Variants in NEK11 observed in about 807,000 individuals in gnomAD.
NEK11 encodes the protein serine/threonine-protein kinase Nek11.
NEK11 carries 72 observed loss-of-function variants against 80.7 expected under a neutral mutation model. The observed-to-expected ratio is 0.89, with a 90% CI of 0.74 to 1.08. The LOEUF (loss-of-function observed/expected upper bound fraction) is 1.08. Ranked by LOEUF, NEK11 falls within the 50% of genes least tolerant of loss-of-function variation. NEK11 has a pLI of 0.00. For synonymous variants in NEK11, 251 were observed against 260.7 expected, an observed-to-expected ratio of 0.96 and a Z score of 0.36; for missense variants, 764 against 763.6, an observed-to-expected ratio of 1.00 and a Z score of -0.01.
chr3:131,316,515 G>A (rs986167705), intron 17 of NEK11, among the ~76,000 whole-genome samples: 3 of 152,144 alleles, frequency 2.0e-5, no homozygotes, highest in African/African-American at 7.2e-5. Flanking sequence ...TATTCTGAGT[G>A]TTGTCCTTTT....
At chr3:131,332,947 C>T (rs1196998616) in intron 17 of NEK11, among the ~76,000 whole-genome samples, 1 of 152,062 alleles carries the variant, frequency 6.6e-6, no homozygotes, top group Non-Finnish European at 1.5e-5. Flanking sequence ...AACAAAGCCT[C>T]CAAGAAATAT....
intron 17 of NEK11, among the ~76,000 whole-genome samples, chr3:131,278,546 T>C (rs2096341744): frequency 7.1e-6 from 1 of 141,168 alleles, no homozygotes; most frequent in Non-Finnish European, 1.5e-5. Context: ...AAAAAGTTTT[T>C]TGTTTTGTTT....
intron 16 of NEK11, among the ~76,000 whole-genome samples, chr3:131,253,300 A>G (rs1362349013): frequency 2.6e-5 from 4 of 152,124 alleles, no homozygotes; most frequent in Non-Finnish European, 4.4e-5. Context: ...AAAACGCTAA[A>G]TTCCCACCAA....
chr3:131,071,663 G>A (rs1209676340), intron 3 of NEK11, among the ~76,000 whole-genome samples: 1 of 151,882 alleles, frequency 6.6e-6, no homozygotes, highest in East Asian at 1.9e-4. Flanking sequence ...ATATCATGTT[G>A]TTTTAGTTTT....
intron 3 of NEK11, among the ~76,000 whole-genome samples, chr3:131,064,108 T>A (rs561483533): frequency 3.9e-5 from 6 of 152,256 alleles, no homozygotes; most frequent in African/African-American, 1.4e-4. Flanking sequence ...ATTCAACTTA[T>A]ATGAAATATC....
chr3:131,225,674 C>T (rs1413339576), intron 14 of NEK11, among the ~76,000 whole-genome samples: 1 of 152,118 alleles, frequency 6.6e-6, no homozygotes, highest in Non-Finnish European at 1.5e-5. Context: ...TATGCCAAAG[C>T]CAGCATTCTA....
At chr3:131,106,235 T>C (rs966820291) in intron 4 of NEK11, among the ~76,000 whole-genome samples, 2 of 151,752 alleles carry the variant, frequency 1.3e-5, no homozygotes, top group African/African-American at 4.8e-5. Context: ...TTAGTCTCTC[T>C]GTAGTAAGAA....
chr3:131,235,933 A>G (rs1424215560), intron 15 of NEK11, among the ~76,000 whole-genome samples: 1 of 152,208 alleles, frequency 6.6e-6, no homozygotes, highest in Non-Finnish European at 1.5e-5. Context: ...CCTAAGTGAC[A>G]GCTCCAAAGT....
chr3:131,103,582 T>C (rs1578300549), intron 4 of NEK11, among the ~76,000 whole-genome samples: 1 of 152,084 alleles, frequency 6.6e-6, no homozygotes, highest in Non-Finnish European at 1.5e-5. Context: ...GCAAGAGAGG[T>C]GACCCCTTCA....
chr3:131,202,065 C>A (rs1317604615), intron 14 of NEK11, among the ~76,000 whole-genome samples: 3 of 152,130 alleles, frequency 2.0e-5, no homozygotes, highest in Admixed American at 6.5e-5. Flanking sequence ...GATCTCCTGA[C>A]CTCATGATCC....
At chr3:131,191,319 T>C (rs1462868228) in intron 14 of NEK11, among the ~76,000 whole-genome samples, 1 of 152,174 alleles carries the variant, frequency 6.6e-6, no homozygotes, top group African/African-American at 2.4e-5. Flanking sequence ...CTGGCCTGCA[T>C]TCCTTCTGGA....
intron 16 of NEK11, among the ~76,000 whole-genome samples, chr3:131,255,414 C>A (rs76005509): frequency 0.065 from 9,906 of 152,118 alleles, 475 homozygotes; most frequent in Non-Finnish European, 0.1. Context: ...TAAAGGTGAC[C>A]TTTTCAGATC....
intron 17 of NEK11, among the ~76,000 whole-genome samples, chr3:131,335,027 T>A (rs1405566186): frequency 6.6e-6 from 1 of 152,208 alleles, no homozygotes; most frequent in Non-Finnish European, 1.5e-5. Context: ...CACAGCCGAA[T>A]TCTACCAGAG....
chr3:131,278,702 AG>A (rs1340969637), intron 17 of NEK11, among the ~76,000 whole-genome samples: 1 of 152,140 alleles, frequency 6.6e-6, no homozygotes, highest in Non-Finnish European at 1.5e-5. Flanking sequence ...ACTGTGACTA[AG>A]ACTGGTCCTT....
intron 7 of NEK11, among the ~76,000 whole-genome samples, chr3:131,142,607 G>C (rs1402653304): frequency 6.6e-6 from 1 of 152,124 alleles, no homozygotes; most frequent in South Asian, 2.1e-4. Context: ...TTTGATCATT[G>C]TTTCCATTGC....
intron 17 of NEK11, among the ~76,000 whole-genome samples, chr3:131,339,518 C>T (rs1241823557): frequency 6.6e-6 from 1 of 152,176 alleles, no homozygotes; most frequent in East Asian, 1.9e-4. Context: ...GAACCTTATC[C>T]TAAGAAGCTA....
chr3:131,112,279 TG>T (rs2080264288), intron 5 of NEK11, among the ~76,000 whole-genome samples: 2 of 152,146 alleles, frequency 1.3e-5, no homozygotes, highest in Non-Finnish European at 1.5e-5. Flanking sequence ...AAGCATGACC[TG>T]GGTGAATCTC....
intron 16 of NEK11, among the ~76,000 whole-genome samples, chr3:131,262,988 T>C (rs1294660876): frequency 6.6e-6 from 1 of 152,156 alleles, no homozygotes; most frequent in Non-Finnish European, 1.5e-5. Context: ...GCAGAGGAAA[T>C]GAACTCATCC....
At chr3:131,309,987 TAAA>T (rs558210123) in intron 17 of NEK11, among the ~76,000 whole-genome samples, 68 of 23,292 alleles carry the variant, frequency 2.9e-3, no homozygotes, top group African/African-American at 7.3e-3. Flanking sequence ...AGACCATGTT[TAAA>T]AAAAAAAAAA....
Sources: gnomAD v4.1 joint callset for allele counts (sites outside exome capture counted in the v4.1 genomes callset) on GRCh38, gnomAD v4.1.1 for gene constraint, MANE v1.5 for transcripts, NCBI Gene and HGNC (gene_info 2026-07-23, HGNC 2026-07-21) for gene names.